TPP2: variants seen among roughly 807,000 people sequenced by gnomAD.
The protein encoded by TPP2 is tripeptidyl peptidase 2.
Under a neutral mutation model 155.9 loss-of-function variants are expected in TPP2, and 34 were observed. The observed-to-expected ratio is 0.22, with a 90% CI of 0.17 to 0.29. The LOEUF is 0.29. Among genes scored for constraint, TPP2 ranks in the 10% least tolerant of loss-of-function variants. The probability of loss-of-function intolerance (pLI) is 1.00; values close to 1 mark genes in which losing one functional copy is unlikely to be tolerated. For synonymous variants in TPP2, 510 were observed against 529.4 expected (o/e 0.96, Z 0.50); for missense variants, 1,028 against 1,522.3 (o/e 0.68, Z 5.40).
chr13:102,616,402 C>A lies in TPP2; in HGVS notation c.397C>A (p.Arg133=), dbSNP rs764842046. ...AATTTTTCTGTCTTTGCAGAAAGAA[C>A]GGAAGGAAAAAATCTGGGACCCTGT... ...KALKERIQKE[R]KEKIWDPVHR... The change falls in exon 4 of 30, where the codon CGG becomes AGG. Residue 133 remains arginine (R), a synonymous_variant. Coordinates refer to ENST00000376052, the MANE Select transcript of TPP2 (RefSeq NM_001330588.2). 6 of 1,608,628 alleles carry A rather than the reference C, an allele frequency of 3.7e-6. No individual in the cohort carries two copies. Among genetic ancestry groups the A allele is most frequent in the East Asian group, 4.5e-5 (2 of 44,752 alleles).
At chr13:102,666,766 C>CTTTTTTTT in intron 27 of TPP2, among the ~76,000 whole-genome samples, 14 of 55,736 alleles carry the variant, frequency 2.5e-4, no homozygotes, top group Non-Finnish European at 4.0e-4. Context: ...TTTTTAATCT[C>CTTTTTTTT]TTTTTTTTTT....
intron 2 of TPP2, among the ~76,000 whole-genome samples, chr13:102,610,819 C>T (rs1163162217): frequency 6.6e-6 from 1 of 151,666 alleles, no homozygotes; most frequent in Non-Finnish European, 1.5e-5. Context: ...ACATAAAACA[C>T]ATATATACAG....
chr13:102,656,924 C>A, intron 24 of TPP2, 132 bp from the exon 25 acceptor site: 1 of 913,464 alleles, frequency 1.1e-6, no homozygotes, highest in Non-Finnish European at 1.6e-6. Flanking sequence ...GTATTGTGAC[C>A]CTTAGAATCT....
intron 27 of TPP2, among the ~76,000 whole-genome samples, chr13:102,672,144 G>A (rs1885021626): frequency 6.6e-6 from 1 of 152,176 alleles, no homozygotes; most frequent in Admixed American, 6.5e-5. Flanking sequence ...TGAAAGGAAA[G>A]GAGTACTCAG....
rs1194539468 is a variant in TPP2, at chr13:102,643,224, G to C, written c.2023G>C (p.Val675Leu). Residue 675 changes from valine (V) to leucine (L), a missense_variant and splice_region_variant, in exon 17 of 30, where the codon GTG (valine) becomes CTG (leucine). By Grantham distance (32) the Val-to-Leu change is conservative (BLOSUM62 1). Coordinates refer to ENST00000376052, the MANE Select transcript of TPP2 (RefSeq NM_001330588.2). ...TGCTTCTTTCTTTCTTATTTTAGAA[G>C]TGACAGTGTGTTCGTGTTCTTCTGA... ...EVPEGATWAE[V>L]TVCSCSSEVS... 1 of 1,589,030 alleles carries C rather than the reference G, an allele frequency of 6.3e-7. No homozygotes were observed. Among genetic ancestry groups the C allele is most frequent in the African/African-American group, 1.4e-5 (1 of 73,062 alleles).
At chr13:102,638,174 G>GA in intron 14 of TPP2, 65 bp from the exon 15 acceptor site, 1 of 1,456,508 alleles carries the variant, frequency 6.9e-7, no homozygotes. Flanking sequence ...CAGTAGTTTA[G>GA]ACCTTCCCCC....
chr13:102,597,101 C>T lies in TPP2; in HGVS notation c.63C>T (p.Thr21=). 1 of 1,611,072 alleles carries T rather than the reference C, an allele frequency of 6.2e-7. No individual in the cohort carries two copies. Among genetic ancestry groups the T allele is most frequent in the Non-Finnish European group, 8.5e-7 (1 of 1,179,202 alleles). ...ACGGTCTCCTGCCGAAGAAGGAGAC[C>T]GGAGCCGCCTCCTTCCTCTGCCGCT... ...PFHGLLPKKE[T]GAASFLCRYP... Residue 21 remains threonine, a synonymous_variant, in exon 1 of 30, where the codon ACC becomes ACT. Transcript: ENST00000376052.
chr13:102,645,559 G>A (rs899217819), intron 19 of TPP2, among the ~76,000 whole-genome samples: 3 of 152,136 alleles, frequency 2.0e-5, no homozygotes, highest in Non-Finnish European at 4.4e-5. Flanking sequence ...TAACCAATTA[G>A]GGACAATAGT....
At chr13:102,600,743 A>G (rs1488711336) in intron 1 of TPP2, among the ~76,000 whole-genome samples, 1 of 152,266 alleles carries the variant, frequency 6.6e-6, no homozygotes, top group Non-Finnish European at 1.5e-5. Flanking sequence ...GGAGGTTACG[A>G]GTAGTTTCAT....
intron 3 of TPP2, among the ~76,000 whole-genome samples, chr13:102,614,600 C>CCT (rs1566324461): frequency 6.6e-6 from 1 of 152,138 alleles, no homozygotes; most frequent in African/African-American, 2.4e-5. Flanking sequence ...ATGTCCCTCC[C>CCT]CTGTTTAACT....
intron 14 of TPP2, among the ~76,000 whole-genome samples, chr13:102,637,829 G>A (rs181778206): frequency 2.6e-5 from 4 of 152,302 alleles, no homozygotes; most frequent in East Asian, 1.9e-4. Flanking sequence ...GGGATTACAG[G>A]TGTGAACCAC....
At chr13:102,615,270 C>CTCCTGGGCAAG (rs1880633637) in intron 3 of TPP2, among the ~76,000 whole-genome samples, 1 of 152,148 alleles carries the variant, frequency 6.6e-6, no homozygotes, top group Non-Finnish European at 1.5e-5. Context: ...CTGGGCAATC[C>CTCCTGGGCAAG]TCCCATGTAG....
intron 16 of TPP2, among the ~76,000 whole-genome samples, chr13:102,642,080 G>A (rs961498526): frequency 6.6e-6 from 1 of 152,188 alleles, no homozygotes; most frequent in African/African-American, 2.4e-5. Context: ...TGGTTACCTG[G>A]GGGCAGGTTT....
intron 24 of TPP2, among the ~76,000 whole-genome samples, chr13:102,653,540 G>A (rs996319968): frequency 2.6e-4 from 40 of 152,080 alleles, no homozygotes; most frequent in African/African-American, 9.2e-4. Context: ...GACTACAGGC[G>A]TGTGCCACTA....
Position 102,597,143 on chromosome 13 carries a change from GC to G in TPP2, c.106del (p.Arg36GlyfsTer41). Reference protein sequence around the residue: ...FLCRYPEYDGRGVLIAVLDTG... With the variant: ...FLCRYPEYDGXGVLIAVLDTG... ...TCTGCCGCTACCCGGAGTATGATGG[GC>G]GGGGGGTGCTCATCGCAGTCCTGGA... On this transcript the variant is annotated frameshift_variant, in exon 1 of 30. Coordinates refer to ENST00000376052, the MANE Select transcript of TPP2 (RefSeq NM_001330588.2). LOFTEE classifies it high-confidence loss of function. 1 of 1,609,064 alleles carries G rather than the reference GC, an allele frequency of 6.2e-7. No individual in the cohort carries two copies. Among genetic ancestry groups the G allele is most frequent in the Non-Finnish European group, 8.5e-7 (1 of 1,178,536 alleles).
intron 15 of TPP2, among the ~76,000 whole-genome samples, 172 bp downstream of exon 15, chr13:102,638,487 C>T (rs867951914): frequency 6.6e-6 from 1 of 152,176 alleles, no homozygotes; most frequent in South Asian, 2.1e-4. Context: ...CATACTGACT[C>T]TTGTGTGCTC....
intron 9 of TPP2, 107 bp from the exon 10 acceptor site, chr13:102,629,985 TAGAG>T (rs1881908746): frequency 2.4e-6 from 2 of 831,572 alleles, no homozygotes; most frequent in Non-Finnish European, 3.8e-6. Flanking sequence ...TCCATCGTAT[TAGAG>T]AGAGGACTGG....
intron 15 of TPP2, 59 bp downstream of exon 15, chr13:102,638,374 G>A (rs1595173807): frequency 6.6e-7 from 1 of 1,521,508 alleles, no homozygotes; most frequent in Non-Finnish European, 9.1e-7. Context: ...GACTATTCAT[G>A]GAGTCTTGTG....
intron 6 of TPP2, among the ~76,000 whole-genome samples, chr13:102,623,797 G>A (rs1439957451): frequency 2.6e-5 from 4 of 152,124 alleles, no homozygotes; most frequent in African/African-American, 9.7e-5. Context: ...GGTATCTGGG[G>A]GGATTGGTTC....
Sources: gnomAD v4.1 joint callset for allele counts (sites outside exome capture counted in the v4.1 genomes callset) on GRCh38, gnomAD v4.1.1 for gene constraint, MANE v1.5 for transcripts, NCBI Gene and HGNC (gene_info 2026-07-23, HGNC 2026-07-21) for gene names.